The following NTRK3 variants were observed in gnomAD, a reference collection of about 807,000 sequenced individuals.
NTRK3 encodes the protein neurotrophic receptor tyrosine kinase 3.
NTRK3 carries 24 observed loss-of-function variants against 91.7 expected under a neutral mutation model. That is an observed-to-expected ratio of 0.26 (90% CI 0.19 to 0.37). The LOEUF (loss-of-function observed/expected upper bound fraction) is 0.37, where lower values mean the gene tolerates loss of function less well. Ranked by LOEUF, NTRK3 falls within the 10% of genes least tolerant of loss-of-function variation. NTRK3 has a pLI of 1.00. For synonymous variants in NTRK3, 483 were observed against 404.0 expected, an observed-to-expected ratio of 1.20 and a Z score of -2.34; for missense variants, 880 against 1,068.9, an observed-to-expected ratio of 0.82 and a Z score of 2.46.
intron 14 of NTRK3, among the ~76,000 whole-genome samples, chr15:87,966,683 G>A (rs767987755): frequency 1.3e-5 from 2 of 152,204 alleles, no homozygotes; most frequent in Non-Finnish European, 2.9e-5. Context: ...TGTCCTGGAG[G>A]CAAGCTGAGA....
chr15:87,943,682 T>A (rs1009257482), intron 14 of NTRK3, among the ~76,000 whole-genome samples: 2 of 151,928 alleles, frequency 1.3e-5, no homozygotes, highest in African/African-American at 4.8e-5. Context: ...CCTTCTCCTC[T>A]CCTTCCCTCG....
chr15:88,178,874 C>T (rs962095780), intron 5 of NTRK3, among the ~76,000 whole-genome samples: 1 of 152,156 alleles, frequency 6.6e-6, no homozygotes, highest in South Asian at 2.1e-4. Flanking sequence ...AGCTCTTTCA[C>T]GGAACTTTAA....
chr15:88,196,343 G>C (rs1049928542), intron 3 of NTRK3, among the ~76,000 whole-genome samples: 2 of 151,562 alleles, frequency 1.3e-5, no homozygotes, highest in Admixed American at 6.6e-5. Context: ...TTCGTGCACA[G>C]CAAGCCGGGA....
rs4034771 is a variant in NTRK3, at chr15:88,243,536, GCACACACA to G, written c.248+12362_248+12369del. ...CACTTGATCCCATCCCCCATAGCAT[GCACACACA>G]CACACACACACACACACACACACAC... On this transcript the variant is annotated intron_variant, in intron 3 of 18. Coordinates refer to ENST00000394480, the Ensembl canonical transcript of NTRK3. This position sits in a 1 kb window ranked among gnomAD's most constrained non-coding sequence, Gnocchi z 4.8. Among the ~76,000 whole-genome samples the G allele has an allele frequency of 1.6e-3, 236 of 145,966 alleles. 4 individuals are homozygous for G. In the Middle Eastern group the frequency reaches 0.028, roughly 17 times the overall value.
At chr15:87,949,379 C>T (rs2070881418) in intron 14 of NTRK3, among the ~76,000 whole-genome samples, 2 of 152,056 alleles carry the variant, frequency 1.3e-5, no homozygotes, top group Admixed American at 6.6e-5. Flanking sequence ...TCTGAAGAAG[C>T]TCAGCAAACA....
chr15:88,196,769 C>T (rs577109417), intron 3 of NTRK3, among the ~76,000 whole-genome samples: 13 of 152,346 alleles, frequency 8.5e-5, no homozygotes, highest in East Asian at 1.9e-4. Context: ...TCTGGGAAGG[C>T]ATCTCTCCAT....
At chr15:87,998,148 T>C (rs962279696) in intron 14 of NTRK3, among the ~76,000 whole-genome samples, 4 of 152,132 alleles carry the variant, frequency 2.6e-5, no homozygotes, top group African/African-American at 9.7e-5. Context: ...CTCCACCCCA[T>C]TGTGATCATC....
intron 14 of NTRK3, among the ~76,000 whole-genome samples, chr15:88,010,203 C>G (rs1360040345): frequency 2.0e-5 from 3 of 152,186 alleles, no homozygotes; most frequent in Non-Finnish European, 4.4e-5. Context: ...AGGGTCCAGT[C>G]TCTGTCTACT....
At chr15:88,126,236 C>G (rs894727212) in intron 13 of NTRK3, 35 bp downstream of exon 13, 2 of 1,428,910 alleles carry the variant, frequency 1.4e-6, no homozygotes, top group African/African-American at 2.8e-5. Flanking sequence ...ATGTTTCCCC[C>G]CATGACGCCC....
In NTRK3 at chr15:88,091,856, GTGC is replaced by G. The variant is rs796773525; in HGVS notation, c.1396+34412_1396+34414del. 2.3e-4 allele frequency among the ~76,000 whole-genome samples: 35 copies of G among 152,304 alleles called. No homozygotes were observed. In the South Asian group the frequency reaches 7.3e-3, roughly 32 times the overall value. The stretch of plus-strand genomic sequence containing the variant: ...CCCCAAGATTATGAGCAATTCCTGT[GTGC>G]TATCTAAAACTCCACCCCTTTCTGC... On this transcript the variant is annotated intron_variant, in intron 13 of 18. Transcript: ENST00000394480.
chr15:88,124,485 G>T (rs2053076933), intron 13 of NTRK3, among the ~76,000 whole-genome samples: 1 of 152,200 alleles, frequency 6.6e-6, no homozygotes, highest in African/African-American at 2.4e-5. Flanking sequence ...CTCAGCTGGT[G>T]GTGCGCCTCC....
intron 17 of NTRK3, among the ~76,000 whole-genome samples, chr15:87,888,403 C>A (rs2065671229): frequency 6.6e-6 from 1 of 152,076 alleles, no homozygotes; most frequent in Non-Finnish European, 1.5e-5. Context: ...ACAAGAGGTA[C>A]CTGATCAACT....
exon 19 of NTRK3, chr15:87,876,797 T>C (rs1009548629): frequency 8.0e-6 from 8 of 1,006,092 alleles, no homozygotes; most frequent in African/African-American, 1.6e-5. Context: ...TTTTCAGTGT[T>C]GTATGTGTAG....
chr15:88,244,370 G>A (rs563976819), intron 3 of NTRK3, among the ~76,000 whole-genome samples: 1 of 152,316 alleles, frequency 6.6e-6, no homozygotes, highest in South Asian at 2.1e-4. Flanking sequence ...ATGAGGCAGA[G>A]AAAAATTAAA....
intron 3 of NTRK3, among the ~76,000 whole-genome samples, chr15:88,200,541 G>T (rs115217238): frequency 6.6e-6 from 1 of 152,160 alleles, no homozygotes; most frequent in African/African-American, 2.4e-5. Context: ...TGCTGTTCTC[G>T]TGATAATGGG....
chr15:88,039,197 T>A (rs573037424), intron 13 of NTRK3, among the ~76,000 whole-genome samples: 1 of 152,052 alleles, frequency 6.6e-6, no homozygotes, highest in South Asian at 2.1e-4. Context: ...TATTACCTGT[T>A]ATCGGCCTCT....
chr15:88,145,883 T>C (rs1353672603), intron 6 of NTRK3, among the ~76,000 whole-genome samples: 1 of 152,160 alleles, frequency 6.6e-6, no homozygotes, highest in East Asian at 1.9e-4. Context: ...AATAGATCCT[T>C]GTGTTGGAAA....
chr15:87,990,106 T>A (rs1211883426), intron 14 of NTRK3, among the ~76,000 whole-genome samples: 1 of 152,082 alleles, frequency 6.6e-6, no homozygotes, highest in Non-Finnish European at 1.5e-5. Flanking sequence ...CCTACAAGGG[T>A]AATACTGAGG....
At chr15:88,211,028 A>G (rs1458478263) in intron 3 of NTRK3, among the ~76,000 whole-genome samples, 3 of 152,210 alleles carry the variant, frequency 2.0e-5, no homozygotes, top group Non-Finnish European at 2.9e-5. Context: ...ATTGAGGGCA[A>G]ATTTACATAA....
Sources: allele counts gnomAD v4.1 joint callset (sites outside exome capture counted in the v4.1 genomes callset), GRCh38; gene constraint gnomAD v4.1.1; non-coding constraint Gnocchi (gnomAD v3.1); transcripts MANE v1.5; gene names NCBI Gene and HGNC (gene_info 2026-07-23, HGNC 2026-07-21).